HRH1: variants seen among roughly 807,000 people sequenced by gnomAD.
HRH1 encodes histamine receptor H1.
HRH1 carries 6 observed loss-of-function variants against 10.3 expected under a neutral mutation model. The observed-to-expected ratio is 0.58, with a 90% CI of 0.32 to 1.15. HRH1 has a LOEUF of 1.15. Among genes scored for constraint, HRH1 ranks in the 50% most tolerant of loss-of-function variants. The pLI is 0.05. For synonymous variants in HRH1, 242 were observed against 236.7 expected (o/e 1.02, Z -0.21); for missense variants, 514 against 615.3 (o/e 0.84, Z 1.74).
chr3:11,194,470 C>T (rs1559266216), intron 1 of HRH1, among the ~76,000 whole-genome samples: 1 of 152,210 alleles, frequency 6.6e-6, no homozygotes, highest in Admixed American at 6.5e-5. Context: ...CTCAATGTTA[C>T]ATAAATTTCA....
chr3:11,185,947 G>T lies in HRH1; in HGVS notation c.-36+31393G>T, dbSNP rs11925466. 7.4e-3 allele frequency among the ~76,000 whole-genome samples: 1,123 copies of T among 152,220 alleles called. 20 individuals are homozygous for T. The highest frequency in any genetic ancestry group is 0.026 in the African/African-American group (1,063 of 41,524). ...ACGTATGAGTATGTGATGCCTCCCAGCAATGGCATCACCAGATTTGTTAGG... is the reference window on the plus strand; with the variant it reads ...ACGTATGAGTATGTGATGCCTCCCATCAATGGCATCACCAGATTTGTTAGG... On this transcript the variant is annotated intron_variant, in intron 1 of 1. Transcript: ENST00000431010.
intron 1 of HRH1, among the ~76,000 whole-genome samples, chr3:11,225,690 A>C (rs1399149716): frequency 6.6e-6 from 1 of 152,210 alleles, no homozygotes; most frequent in Admixed American, 6.5e-5. Context: ...TTATTTATTT[A>C]CTTACTTACT....
chr3:11,231,355 C>T (rs1209951792), intron 1 of HRH1, among the ~76,000 whole-genome samples: 1 of 152,116 alleles, frequency 6.6e-6, no homozygotes, highest in African/African-American at 2.4e-5. Flanking sequence ...TAAATGTCCA[C>T]GAGTGCAATT....
chr3:11,195,961 C>A (rs1475189228), intron 1 of HRH1, among the ~76,000 whole-genome samples: 5 of 152,164 alleles, frequency 3.3e-5, no homozygotes, highest in Admixed American at 1.3e-4. Flanking sequence ...GAGTTTTATG[C>A]CCCCCAGGAA....
intron 1 of HRH1, among the ~76,000 whole-genome samples, chr3:11,172,855 C>G (rs1294687595): frequency 1.3e-5 from 2 of 152,030 alleles, no homozygotes. Flanking sequence ...GTGCCCGCCT[C>G]CACGCCCAGC....
chr3:11,191,210 C>G (rs1937524879), intron 1 of HRH1, among the ~76,000 whole-genome samples: 1 of 152,120 alleles, frequency 6.6e-6, no homozygotes, highest in Admixed American at 6.5e-5. Context: ...CTGTGCTGAC[C>G]AGGACCTAAT....
chr3:11,257,999 T>C (rs1238262524), intron 1 of HRH1, among the ~76,000 whole-genome samples: 1 of 152,186 alleles, frequency 6.6e-6, no homozygotes, highest in East Asian at 1.9e-4. Context: ...TCTTGTTACA[T>C]ATTACTTGGC....
chr3:11,207,408 A>G (rs1037120950), intron 1 of HRH1, among the ~76,000 whole-genome samples: 2 of 152,110 alleles, frequency 1.3e-5, no homozygotes, highest in Admixed American at 6.5e-5. Flanking sequence ...ACTTAAAAAA[A>G]AAATACAAAA....
At chr3:11,156,113 G>C (rs903649620) in intron 1 of HRH1, among the ~76,000 whole-genome samples, 1 of 152,194 alleles carries the variant, frequency 6.6e-6, no homozygotes, top group Admixed American at 6.5e-5. Context: ...CAGGCAGCAG[G>C]TCCACTGCTC....
intron 1 of HRH1, among the ~76,000 whole-genome samples, chr3:11,218,341 A>G (rs1938583965): frequency 6.6e-6 from 1 of 151,012 alleles, no homozygotes; most frequent in Admixed American, 6.6e-5. Context: ...CCAGCTACTC[A>G]GGAGGCTGAG....
chr3:11,184,450 A>G (rs1937413880), intron 1 of HRH1, among the ~76,000 whole-genome samples: 1 of 152,102 alleles, frequency 6.6e-6, no homozygotes, highest in Non-Finnish European at 1.5e-5. Flanking sequence ...CTCTCTTAGA[A>G]TGGCCAGTGG....
intron 1 of HRH1, among the ~76,000 whole-genome samples, chr3:11,206,562 A>C (rs914233171): frequency 5.3e-5 from 8 of 152,240 alleles, no homozygotes; most frequent in African/African-American, 1.7e-4. Context: ...TATTATAGCT[A>C]AGATTTGTGG....
At chr3:11,182,659 G>A (rs1455782742) in intron 1 of HRH1, among the ~76,000 whole-genome samples, 4 of 152,178 alleles carry the variant, frequency 2.6e-5, no homozygotes, top group African/African-American at 9.7e-5. Flanking sequence ...TGAAATGGAG[G>A]GGAGGGAGGG....
intron 1 of HRH1, among the ~76,000 whole-genome samples, chr3:11,197,004 A>G (rs1334621549): frequency 6.6e-6 from 1 of 150,386 alleles, no homozygotes; most frequent in African/African-American, 2.4e-5. Context: ...GGGCGCCTGT[A>G]GTCCCAGCTA....
chr3:11,248,444 G>A (rs113418973), intron 1 of HRH1, among the ~76,000 whole-genome samples: 3 of 152,152 alleles, frequency 2.0e-5, no homozygotes, highest in Non-Finnish European at 2.9e-5. Context: ...CAGGAGGGAC[G>A]TGTCTCTTTT....
At chr3:11,250,989 T>C (rs1939636093) in intron 1 of HRH1, among the ~76,000 whole-genome samples, 1 of 152,216 alleles carries the variant, frequency 6.6e-6, no homozygotes, top group Non-Finnish European at 1.5e-5. Flanking sequence ...GCTGTGACAA[T>C]ACCTCTCGCA....
chr3:11,240,819 C>T (rs944256110), intron 1 of HRH1, among the ~76,000 whole-genome samples: 4 of 152,166 alleles, frequency 2.6e-5, no homozygotes, highest in Admixed American at 6.5e-5. Flanking sequence ...ACTGGAGCAC[C>T]CTCATGCATG....
In HRH1 at chr3:11,239,044, G is replaced by A. The variant is rs138972219; in HGVS notation, c.-35-19959G>A. On this transcript the variant is annotated intron_variant, in intron 1 of 1. Coordinates refer to ENST00000431010, the MANE Select transcript of HRH1 (RefSeq NM_001098212.2). ...GTATATATCTAGGTGTGGAATCACT[G>A]AGTCATATGGTAACTATGTTTAACC... is the stretch of plus-strand genomic sequence containing the variant. Among the ~76,000 whole-genome samples, 4 of 152,300 alleles carry A rather than the reference G, an allele frequency of 2.6e-5. No individual in the cohort carries two copies. The East Asian group carries it at 7.7e-4, about 29-fold the overall frequency.
At chr3:11,148,149 C>T (rs575615995) in intron 1 of HRH1, among the ~76,000 whole-genome samples, 1 of 149,328 alleles carries the variant, frequency 6.7e-6, no homozygotes, top group Non-Finnish European at 1.5e-5. Context: ...CACTGCACTC[C>T]GGCCTAGCAA....
Sources: allele counts gnomAD v4.1 joint callset (sites outside exome capture counted in the v4.1 genomes callset), GRCh38; gene constraint gnomAD v4.1.1; transcripts MANE v1.5; gene names NCBI Gene and HGNC (gene_info 2026-07-23, HGNC 2026-07-21).